The following ATP8A2 variants were observed in gnomAD, a reference collection of about 807,000 sequenced individuals.
ATP8A2 encodes the protein ATPase phospholipid transporting 8A2, also known as phospholipid-transporting ATPase IB.
Under a neutral mutation model 165.6 loss-of-function variants are expected in ATP8A2, and 100 were observed. The observed-to-expected ratio is 0.60, with a 90% CI of 0.51 to 0.71. The LOEUF is 0.71. Among genes scored for constraint, ATP8A2 ranks in the 30% least tolerant of loss-of-function variants. ATP8A2 has a pLI of 0.00. For synonymous variants in ATP8A2, 543 were observed against 548.8 expected, an observed-to-expected ratio of 0.99 and a Z score of 0.15; for missense variants, 1,227 against 1,479.5, an observed-to-expected ratio of 0.83 and a Z score of 2.80.
chr13:25,983,855 G>C (rs1024179301), intron 35 of ATP8A2, among the ~76,000 whole-genome samples: 4 of 152,142 alleles, frequency 2.6e-5, no homozygotes, highest in African/African-American at 9.7e-5. Flanking sequence ...AAAGTGATGA[G>C]TGACATTCCA....
At chr13:25,392,275 C>A (rs1357472485) in intron 1 of ATP8A2, among the ~76,000 whole-genome samples, 3 of 152,174 alleles carry the variant, frequency 2.0e-5, no homozygotes, top group African/African-American at 4.8e-5. Context: ...TTATTTTGAG[C>A]CTTAAGGGAA....
At chr13:25,937,822 C>T (rs1341638998) in intron 33 of ATP8A2, among the ~76,000 whole-genome samples, 2 of 134,116 alleles carry the variant, frequency 1.5e-5, no homozygotes, top group Admixed American at 8.3e-5. Flanking sequence ...GCACTCCAGC[C>T]TGGGGGACAG....
chr13:25,821,063 C>T (rs1951167869), intron 27 of ATP8A2, among the ~76,000 whole-genome samples: 1 of 151,926 alleles, frequency 6.6e-6, no homozygotes, highest in South Asian at 2.1e-4. Context: ...TGAGAATGAG[C>T]TTGTTTATGC....
chr13:25,559,791 C>T (rs2039087735), intron 15 of ATP8A2, 26 bp downstream of exon 15: 3 of 1,552,006 alleles, frequency 1.9e-6, no homozygotes, highest in Non-Finnish European at 2.7e-6. Context: ...CACTTCTTGA[C>T]ACTTTAGTGG....
chr13:25,579,485 A>G (rs1433095703), intron 21 of ATP8A2, among the ~76,000 whole-genome samples: 1 of 152,018 alleles, frequency 6.6e-6, no homozygotes, highest in East Asian at 1.9e-4. Flanking sequence ...CTGTCTTGAA[A>G]CACACTTCCC....
chr13:25,792,593 T>G (rs1042289725), intron 27 of ATP8A2, among the ~76,000 whole-genome samples: 34 of 152,116 alleles, frequency 2.2e-4, no homozygotes, highest in African/African-American at 7.7e-4. Flanking sequence ...TTGAGGGAAT[T>G]TATGATCTAG....
chr13:25,803,631 C>G lies in ATP8A2; in HGVS notation c.2680-24487C>G, dbSNP rs778589581. ...GCCTCGGGACCAAAATGCCACATCC[C>G]TCTTCCCCATATGTTAGTATTGAAG... On this transcript the variant is annotated intron_variant, in intron 27 of 36. Transcript: ENST00000381655. 3.2e-4 allele frequency among the ~76,000 whole-genome samples: 49 copies of G among 152,228 alleles called. 1 individual carries two copies. The highest frequency in any genetic ancestry group is 5.4e-4 in the Non-Finnish European group (37 of 68,048).
intron 27 of ATP8A2, among the ~76,000 whole-genome samples, chr13:25,788,040 G>A (rs7317589): frequency 0.56 from 85,148 of 152,004 alleles, 24,196 homozygotes; most frequent in East Asian, 0.69. Context: ...GGTGCCTGCC[G>A]CTAGCAGAGA....
intron 25 of ATP8A2, among the ~76,000 whole-genome samples, chr13:25,711,434 G>T (rs1238671586): frequency 6.6e-6 from 1 of 152,132 alleles, no homozygotes; most frequent in Non-Finnish European, 1.5e-5. Context: ...CACAGGCTGG[G>T]CATGGTGACT....
intron 24 of ATP8A2, among the ~76,000 whole-genome samples, chr13:25,598,282 T>G (rs1227786004): frequency 6.6e-6 from 1 of 152,208 alleles, no homozygotes; most frequent in Non-Finnish European, 1.5e-5. Flanking sequence ...TTATAACAAG[T>G]CTTGAGATCC....
intron 1 of ATP8A2, among the ~76,000 whole-genome samples, chr13:25,432,766 G>T (rs925731621): frequency 1.3e-5 from 2 of 152,122 alleles, no homozygotes; most frequent in African/African-American, 4.8e-5. Flanking sequence ...GCATAACTAG[G>T]TGAACTCCTG....
chr13:25,769,161 GT>G lies in ATP8A2; in HGVS notation c.2501del (p.Val834GlyfsTer27). ...NDVGMIQTAHVGVGISGNEGM... is the reference protein window; with the variant it reads ...NDVGMIQTAHXGVGISGNEGM... ...TGTCGGGATGATCCAGACAGCCCAC[GT>G]GGGTGTGGGAATCAGTGGGAATGAA... On this transcript the variant is annotated frameshift_variant, in exon 26 of 37. Transcript: ENST00000381655. LOFTEE classifies it high-confidence loss of function. The G allele has an allele frequency of 1.2e-6, 2 of 1,614,076 alleles. No individual in the cohort carries two copies. The highest frequency in any genetic ancestry group is 8.5e-7 in the Non-Finnish European group (1 of 1,179,942).
intron 33 of ATP8A2, among the ~76,000 whole-genome samples, chr13:25,961,290 G>T (rs1474159664): frequency 6.6e-6 from 1 of 152,174 alleles, no homozygotes. Context: ...TCTTTAGGAA[G>T]GATTTAAGAC....
rs1233007515 is a variant in ATP8A2 at position 25,953,200 on chromosome 13, G to T, written c.3184-8375G>T. On this transcript the variant is annotated intron_variant, in intron 33 of 36. Transcript: ENST00000381655. The surrounding 1 kb of genome is among the most constrained non-coding windows in gnomAD (Gnocchi z 6.7). ...CTTTTCGTCTTTTAACTTTACAAGTGCTCCTCATTTTCTTTTACTTACAAT... is the reference window on the plus strand; with the variant it reads ...CTTTTCGTCTTTTAACTTTACAAGTTCTCCTCATTTTCTTTTACTTACAAT... Among the ~76,000 whole-genome samples the T allele has an allele frequency of 6.6e-6, 1 of 152,086 alleles. No individual in the cohort carries two copies. Among genetic ancestry groups the T allele is most frequent in the Non-Finnish European group, 1.5e-5 (1 of 68,030 alleles).
chr13:25,723,515 A>T, intron 25 of ATP8A2, among the ~76,000 whole-genome samples: 1 of 152,000 alleles, frequency 6.6e-6, no homozygotes. Flanking sequence ...CAGATCTTTT[A>T]CCTCCTTTTA....
chr13:25,893,737 A>G (rs376024725), intron 33 of ATP8A2, among the ~76,000 whole-genome samples: 7 of 152,114 alleles, frequency 4.6e-5, no homozygotes, highest in African/African-American at 9.6e-5. Flanking sequence ...TTGAATGATC[A>G]CCATTCTAAC....
At chr13:25,830,773 A>T (rs148179591) in intron 28 of ATP8A2, among the ~76,000 whole-genome samples, 159 of 152,330 alleles carry the variant, frequency 1.0e-3, no homozygotes, top group African/African-American at 3.7e-3. Flanking sequence ...GCCTACACTC[A>T]TGCACACACT....
chr13:25,920,693 C>G (rs1954424462), intron 33 of ATP8A2, among the ~76,000 whole-genome samples: 1 of 152,222 alleles, frequency 6.6e-6, no homozygotes, highest in African/African-American at 2.4e-5. Context: ...TCTGAGGCTC[C>G]CATGCCCTTC....
chr13:25,498,404 T>C (rs1325976172), intron 2 of ATP8A2, among the ~76,000 whole-genome samples: 13 of 152,238 alleles, frequency 8.5e-5, no homozygotes, highest in Admixed American at 8.5e-4. Context: ...TGATCACCCA[T>C]TCTACAGAAT....
Sources: allele counts gnomAD v4.1 joint callset (sites outside exome capture counted in the v4.1 genomes callset), GRCh38; gene constraint gnomAD v4.1.1; non-coding constraint Gnocchi (gnomAD v3.1); transcripts MANE v1.5; gene names NCBI Gene and HGNC (gene_info 2026-07-23, HGNC 2026-07-21).